LINGO2: variants seen among roughly 807,000 people sequenced by gnomAD.
The protein encoded by LINGO2 is leucine-rich repeat and immunoglobulin-like domain-containing nogo receptor-interacting protein 2.
LINGO2 carries 14 observed loss-of-function variants against 30.6 expected under a neutral mutation model. That is an observed-to-expected ratio of 0.46 (90% CI 0.30 to 0.72). LINGO2 has a LOEUF of 0.72. LINGO2 is among the 30% of genes least tolerant of loss of function. The pLI is 0.07. For synonymous variants in LINGO2, 317 were observed against 288.5 expected (o/e 1.10, Z -1.00); for missense variants, 729 against 751.7 (o/e 0.97, Z 0.35).
At chr9:28,421,529 A>C (rs1169052706) in intron 2 of LINGO2, among the ~76,000 whole-genome samples, 1 of 151,308 alleles carries the variant, frequency 6.6e-6, no homozygotes, top group Non-Finnish European at 1.5e-5. Flanking sequence ...TTCTGATTTT[A>C]AAATGTAGTA....
chr9:28,983,541 T>G, the LINGO2 span, among the ~76,000 whole-genome samples: 1 of 151,898 alleles, frequency 6.6e-6, no homozygotes, highest in Non-Finnish European at 1.5e-5. Context: ...AATATTTGTA[T>G]AAAATTTCAA....
intron 4 of LINGO2, among the ~76,000 whole-genome samples, chr9:28,091,275 G>A (rs1423158860): frequency 2.6e-5 from 4 of 152,134 alleles, no homozygotes; most frequent in Non-Finnish European, 1.5e-5. Flanking sequence ...TAAGCCAAAA[G>A]AACAAAGCTG....
the LINGO2 span, among the ~76,000 whole-genome samples, chr9:28,873,029 T>C: frequency 3.3e-5 from 5 of 152,146 alleles, no homozygotes; most frequent in African/African-American, 1.2e-4. Context: ...CAAAATTAGA[T>C]AATCTTTTGT....
chr9:28,761,461 G>A, the LINGO2 span, among the ~76,000 whole-genome samples: 7 of 144,052 alleles, frequency 4.9e-5, no homozygotes, highest in African/African-American at 1.8e-4. Context: ...AAAAGGGCAG[G>A]CTCATGTGAA....
At chr9:28,901,948 G>A in the LINGO2 span, among the ~76,000 whole-genome samples, 1 of 152,054 alleles carries the variant, frequency 6.6e-6, no homozygotes, top group Non-Finnish European at 1.5e-5. Flanking sequence ...CCAGTATTTT[G>A]GGAGGCCAAA....
intron 4 of LINGO2, among the ~76,000 whole-genome samples, chr9:28,171,294 G>T (rs1828574699): frequency 6.6e-6 from 1 of 152,136 alleles, no homozygotes. Flanking sequence ...ACTTGCAGAG[G>T]GAAGCAGAGT....
the LINGO2 span, among the ~76,000 whole-genome samples, chr9:28,734,132 AG>A: frequency 6.6e-6 from 1 of 152,128 alleles, no homozygotes; most frequent in African/African-American, 2.4e-5. Context: ...AAATAATACC[AG>A]TAACTAATAA....
intron 2 of LINGO2, among the ~76,000 whole-genome samples, chr9:28,425,299 C>T (rs1280665939): frequency 2.1e-5 from 3 of 144,384 alleles, no homozygotes; most frequent in Non-Finnish European, 4.5e-5. Flanking sequence ...TGTATATATA[C>T]ATGTGTATAC....
the LINGO2 span, among the ~76,000 whole-genome samples, chr9:28,996,961 T>C: frequency 1.3e-5 from 2 of 152,194 alleles, no homozygotes; most frequent in African/African-American, 4.8e-5. Flanking sequence ...TTAAACGCTT[T>C]CTCTGCCAAC....
Position 28,447,844 on chromosome 9 carries a change from T to A in LINGO2, c.-279+28096A>T, listed in dbSNP as rs574218573. Among the ~76,000 whole-genome samples, 46 of 152,284 alleles carry A rather than the reference T, an allele frequency of 3.0e-4. No homozygotes were observed. In the South Asian group the frequency reaches 3.5e-3, roughly 12 times the overall value. On this transcript the variant is annotated intron_variant, in intron 2 of 5. Coordinates refer to ENST00000379992, the Ensembl canonical transcript of LINGO2. ...TTTTATTGTGATGCACTGGATATAT[T>A]GGGAAAAATTTTTAAATAAGAACAC...
the LINGO2 span, among the ~76,000 whole-genome samples, chr9:29,170,099 G>T: frequency 1.2e-3 from 184 of 152,108 alleles, no homozygotes; most frequent in Non-Finnish European, 2.1e-3. Flanking sequence ...CCTACTACTG[G>T]GTACCTACCC....
chr9:28,846,412 C>A, the LINGO2 span, among the ~76,000 whole-genome samples: 1 of 124,910 alleles, frequency 8.0e-6, no homozygotes, highest in South Asian at 2.5e-4. Context: ...TTTCTCTTCT[C>A]TAGAACAACC....
intron 2 of LINGO2, among the ~76,000 whole-genome samples, chr9:28,469,111 T>A (rs1292362685): frequency 6.6e-6 from 1 of 151,264 alleles, no homozygotes; most frequent in Non-Finnish European, 1.5e-5. Context: ...AATATAGAAA[T>A]CATAAAAAAG....
chr9:28,054,602 C>T (rs1824832257), intron 4 of LINGO2, among the ~76,000 whole-genome samples: 1 of 152,018 alleles, frequency 6.6e-6, no homozygotes, highest in Non-Finnish European at 1.5e-5. Flanking sequence ...TTGATCACTC[C>T]CCTTTTATCT....
intron 1 of LINGO2, among the ~76,000 whole-genome samples, chr9:28,559,832 A>C (rs1822945306): frequency 1.3e-5 from 2 of 152,008 alleles, no homozygotes; most frequent in Admixed American, 1.3e-4. Flanking sequence ...TTTCAAGAAA[A>C]GTTTAGTGTA....
At chr9:29,116,412 T>C in the LINGO2 span, among the ~76,000 whole-genome samples, 3 of 152,072 alleles carry the variant, frequency 2.0e-5, no homozygotes, top group African/African-American at 4.8e-5. Flanking sequence ...AAAGATGGCA[T>C]AAAATCCATA....
chr9:29,197,717 C>T, the LINGO2 span, among the ~76,000 whole-genome samples: 3 of 152,034 alleles, frequency 2.0e-5, no homozygotes, highest in Admixed American at 6.6e-5. Context: ...CTGTCCTTTG[C>T]TGCACAAACC....
intron 4 of LINGO2, among the ~76,000 whole-genome samples, chr9:28,013,552 A>T (rs1158062693): frequency 6.6e-6 from 1 of 152,198 alleles, no homozygotes; most frequent in East Asian, 1.9e-4. Context: ...ACAACTGTCA[A>T]ATACTCTTGT....
chr9:28,647,893 CTTTTTT>C, intron 1 of LINGO2, among the ~76,000 whole-genome samples: 1 of 130,242 alleles, frequency 7.7e-6, no homozygotes, highest in South Asian at 2.5e-4. Flanking sequence ...TTCTTTCTTT[CTTTTTT>C]TTTTTTTTTT....
Sources: gnomAD v4.1 joint callset for allele counts (sites outside exome capture counted in the v4.1 genomes callset) on GRCh38, gnomAD v4.1.1 for gene constraint, MANE v1.5 for transcripts, NCBI Gene and HGNC (gene_info 2026-07-23, HGNC 2026-07-21) for gene names.